The following TG variants were observed in gnomAD, a reference collection of about 807,000 sequenced individuals.
The protein encoded by TG is thyroglobulin.
Under a neutral mutation model 324.7 loss-of-function variants are expected in TG, and 270 were observed. That is an observed-to-expected ratio of 0.83 (90% CI 0.75 to 0.92). The LOEUF is 0.92. TG is among the 40% of genes least tolerant of loss of function. TG has a pLI of 0.00. For synonymous variants in TG, 1,401 were observed against 1,327.0 expected, an observed-to-expected ratio of 1.06 and a Z score of -1.21; for missense variants, 3,591 against 3,456.4, an observed-to-expected ratio of 1.04 and a Z score of -0.98.
chr8:133,022,014 G>A lies in TG; in HGVS notation c.6900G>A (p.Val2300=). 1 of 1,614,188 alleles carries A rather than the reference G, an allele frequency of 6.2e-7. No individual in the cohort carries two copies. Among genetic ancestry groups the A allele is most frequent in the Non-Finnish European group, 8.5e-7 (1 of 1,180,038 alleles). The change falls in exon 40 of 48, where the codon GTG becomes GTA. Residue 2300 remains valine (V), a synonymous_variant. Transcript: ENST00000220616. The part of the protein sequence containing the change: ...QNVAPNASVL[V]FFHNTMDREE... ...AGGCCCCTAACGCGTCTGTGCTGGTGTTCTTCCACAACACCATGGACAGGG... is the reference window on the plus strand; with the variant it reads ...AGGCCCCTAACGCGTCTGTGCTGGTATTCTTCCACAACACCATGGACAGGG...
Position 132,886,323 on chromosome 8 carries a change from G to A in TG, c.1076-125G>A. 4.5e-6 allele frequency: 6 copies of A among 1,329,696 alleles called. No individual in the cohort carries two copies. In the South Asian group the frequency reaches 7.3e-5, roughly 16 times the overall value. 82.4% of individuals were successfully genotyped at this position (1,329,696 alleles called of 1,614,324 possible). ...ATAAAATGACACAGAGAAGAAAGTG[G>A]TTTCAAACGTAGGTGTCCTTGATTG... On this transcript the variant is annotated intron_variant, in intron 8 of 47. Coordinates refer to ENST00000220616, the MANE Select transcript of TG (RefSeq NM_003235.5).
At chr8:132,944,594 C>T (rs780961689) in intron 26 of TG, among the ~76,000 whole-genome samples, 9 of 152,172 alleles carry the variant, frequency 5.9e-5, no homozygotes, top group Non-Finnish European at 1.0e-4. Context: ...GCCAGATGCC[C>T]GTGTTCCAGT....
At chr8:133,121,307 C>A (rs1277769096) in intron 45 of TG, among the ~76,000 whole-genome samples, 2 of 152,162 alleles carry the variant, frequency 1.3e-5, no homozygotes, top group Non-Finnish European at 2.9e-5. Flanking sequence ...GGGTTCTAGG[C>A]AGCGTGGATC....
intron 41 of TG, among the ~76,000 whole-genome samples, chr8:133,032,126 A>G (rs1324357568): frequency 6.6e-6 from 1 of 152,200 alleles, no homozygotes; most frequent in African/African-American, 2.4e-5. Flanking sequence ...ATTTTGGGGC[A>G]GCAATGAGCA....
intron 41 of TG, chr8:133,049,722 C>A: frequency 1.7e-6 from 1 of 602,004 alleles, no homozygotes; most frequent in South Asian, 1.9e-5. Flanking sequence ...TCCCAGAGAG[C>A]AGAAGAGATA....
At chr8:132,877,951 C>G (rs1377925944) in intron 5 of TG, among the ~76,000 whole-genome samples, 1 of 151,756 alleles carries the variant, frequency 6.6e-6, no homozygotes, top group East Asian at 1.9e-4. Flanking sequence ...ATGCCCAAAA[C>G]AGGATAAAAA....
chr8:133,011,471 C>A (rs1834503400), intron 35 of TG, among the ~76,000 whole-genome samples: 1 of 152,162 alleles, frequency 6.6e-6, no homozygotes, highest in Non-Finnish European at 1.5e-5. Context: ...CAACTGATAG[C>A]AACTGGTGTA....
chr8:133,044,995 T>C (rs1839038915), intron 41 of TG: 1 of 1,614,172 alleles, frequency 6.2e-7, no homozygotes, highest in Non-Finnish European at 8.5e-7. Context: ...AGAATAGTGG[T>C]TCACCAGGTC....
rs773002556 is a variant in TG at position 133,131,892 on chromosome 8, A to G, written c.7943A>G (p.Glu2648Gly). ...PAYEGQFSLE[E>G]KSLSLKIMQY... ...TACGAGGGGCAGTTTTCTCTGGAGGAGAAGAGCCTGTCGCTGAAAATCATG... is the reference window on the plus strand; with the variant it reads ...TACGAGGGGCAGTTTTCTCTGGAGGGGAAGAGCCTGTCGCTGAAAATCATG... The change falls in exon 46 of 48, where the codon GAG becomes GGG. Residue 2648 changes from glutamate to glycine, a missense_variant. Glu to Gly is a moderately conservative substitution (Grantham distance 98, BLOSUM62 -2). Coordinates refer to ENST00000220616, the MANE Select transcript of TG (RefSeq NM_003235.5). 7.4e-6 allele frequency: 12 copies of G among 1,614,014 alleles called. No individual in the cohort carries two copies. The South Asian group carries it at 1.3e-4, about 18-fold the overall frequency.
intron 14 of TG, chr8:132,899,124 CAGGCCACA>C (rs1363056321): frequency 1.0e-5 from 6 of 598,008 alleles, no homozygotes; most frequent in Non-Finnish European, 1.8e-5. Flanking sequence ...ATCATAAGAT[CAGGCCACA>C]TTTTGTCCTA....
chr8:132,969,691 T>C, intron 32 of TG, 122 bp downstream of exon 32: 1 of 749,520 alleles, frequency 1.3e-6, no homozygotes, highest in Non-Finnish European at 2.4e-6. Flanking sequence ...GCTGGGCTGA[T>C]CACGAGGTCA....
intron 42 of TG, among the ~76,000 whole-genome samples, chr8:133,095,880 A>C (rs1341692497): frequency 6.6e-6 from 1 of 152,198 alleles, no homozygotes; most frequent in African/African-American, 2.4e-5. Flanking sequence ...CACCTGTCAG[A>C]GTCACTGCCT....
At chr8:133,041,764 C>G (rs1181998708) in intron 41 of TG, among the ~76,000 whole-genome samples, 1 of 150,870 alleles carries the variant, frequency 6.6e-6, no homozygotes, top group Non-Finnish European at 1.5e-5. Context: ...CTCATTGAGG[C>G]CTTGATCAGC....
chr8:132,952,952 A>T (rs1826333220), intron 27 of TG, among the ~76,000 whole-genome samples: 2 of 152,084 alleles, frequency 1.3e-5, no homozygotes, highest in South Asian at 4.1e-4. Flanking sequence ...TGCTTCCACC[A>T]TCCTATGTGC....
At position 132,943,163 on chromosome 8, in the gene TG, A is replaced by G. The variant is rs1031627171; in HGVS notation, c.5233+1621A>G. On this transcript the variant is annotated intron_variant, in intron 26 of 47. Transcript: ENST00000220616. The stretch of plus-strand genomic sequence containing the variant: ...TTGGATGTTTGTCCCTCCTCATCTC[A>G]TGTTGAAATGTGATCCCCAGTGTTG... Among the ~76,000 whole-genome samples, 3 of 152,002 alleles carry G rather than the reference A, an allele frequency of 2.0e-5. No individual in the cohort carries two copies. In the East Asian group the frequency reaches 5.8e-4, roughly 29 times the overall value.
At chr8:132,898,055 A>G in intron 12 of TG, 114 bp from the exon 13 acceptor site, 1 of 1,099,398 alleles carries the variant, frequency 9.1e-7, no homozygotes, top group Non-Finnish European at 1.4e-6. Context: ...GACTGGGGAC[A>G]GAAGGCGACC....
At chr8:133,003,813 G>T (rs1407450669) in intron 35 of TG, among the ~76,000 whole-genome samples, 2 of 152,052 alleles carry the variant, frequency 1.3e-5, no homozygotes, top group Non-Finnish European at 2.9e-5. Context: ...TGTCCCCTCA[G>T]CAGCTCTGGT....
intron 41 of TG, among the ~76,000 whole-genome samples, chr8:133,046,032 T>C (rs1839318639): frequency 6.6e-6 from 1 of 152,218 alleles, no homozygotes; most frequent in Admixed American, 6.5e-5. Context: ...AAAGGCGGGT[T>C]ATTGCTCCTT....
intron 19 of TG, among the ~76,000 whole-genome samples, chr8:132,912,039 A>G (rs1819608526): frequency 6.6e-6 from 1 of 152,220 alleles, no homozygotes; most frequent in Non-Finnish European, 1.5e-5. Context: ...AAGAGCCCGT[A>G]CATTTCTGAC....
Sources: allele counts gnomAD v4.1 joint callset (sites outside exome capture counted in the v4.1 genomes callset), GRCh38; gene constraint gnomAD v4.1.1; transcripts MANE v1.5; gene names NCBI Gene and HGNC (gene_info 2026-07-23, HGNC 2026-07-21).